PAM: variants seen among roughly 807,000 people sequenced by gnomAD.
The protein encoded by PAM is peptidyl-glycine alpha-amidating monooxygenase.
Under a neutral mutation model 122.1 loss-of-function variants are expected in PAM, and 72 were observed. The observed-to-expected ratio is 0.59, with a 90% CI of 0.49 to 0.72. The LOEUF (loss-of-function observed/expected upper bound fraction) is 0.72, where lower values mean the gene tolerates loss of function less well. Ranked by LOEUF, PAM falls within the 30% of genes least tolerant of loss-of-function variation. PAM has a pLI of 0.00. For missense variants in PAM, 1,106 were observed against 1,183.7 expected (o/e 0.93, Z 0.96); for synonymous variants, 389 against 404.4 (o/e 0.96, Z 0.46).
At chr5:102,894,557 T>A (rs1795658394) in intron 3 of PAM, among the ~76,000 whole-genome samples, 1 of 151,630 alleles carries the variant, frequency 6.6e-6, no homozygotes, top group African/African-American at 2.4e-5. Flanking sequence ...ATTGCCCAAT[T>A]ACTATCCAAT....
chr5:102,796,440 A>G (rs1336966746), intron 1 of PAM, among the ~76,000 whole-genome samples: 3 of 152,160 alleles, frequency 2.0e-5, no homozygotes, highest in Non-Finnish European at 2.9e-5. Flanking sequence ...GTGGAAATTC[A>G]CCTTTTAAAT....
chr5:103,030,900 T>C (rs2151435722), downstream of PAM: 1 of 152,366 alleles, frequency 6.6e-6, no homozygotes, highest in East Asian at 1.9e-4. Context: ...TCTTCGAGAA[T>C]AGCTATTCTA....
chr5:102,841,158 C>G (rs973390215), intron 1 of PAM, among the ~76,000 whole-genome samples: 6 of 152,088 alleles, frequency 3.9e-5, no homozygotes, highest in Admixed American at 3.3e-4. Context: ...TAGTAAGTTT[C>G]ATTAAAATTC....
chr5:102,843,868 A>G (rs959922046), intron 1 of PAM, among the ~76,000 whole-genome samples: 2 of 152,160 alleles, frequency 1.3e-5, no homozygotes, highest in Non-Finnish European at 2.9e-5. Flanking sequence ...AATACTGACA[A>G]AGATACAGAG....
In PAM at chr5:103,019,993, C is replaced by G. The variant is rs1385894505; in HGVS notation, c.2485+150C>G. The G allele has an allele frequency of 4.7e-6, 3 of 638,242 alleles. No homozygotes were observed. In the South Asian group the frequency reaches 5.7e-5, roughly 12 times the overall value. 39.5% of individuals were successfully genotyped at this position (638,242 alleles called of 1,614,324 possible). On this transcript the variant is annotated intron_variant, in intron 23 of 25. Coordinates refer to ENST00000438793, the MANE Select transcript of PAM (RefSeq NM_001177306.2). ...TTCTGCTATGTACTGAGCCTTTAAA[C>G]CTGTATGTTGCCACTTCCCTTTTTT...
chr5:102,910,137 T>C (rs1280370189), intron 4 of PAM, among the ~76,000 whole-genome samples: 1 of 151,786 alleles, frequency 6.6e-6, no homozygotes, highest in Admixed American at 6.6e-5. Context: ...GATATCCACT[T>C]AGAAGGGAAA....
intron 1 of PAM, among the ~76,000 whole-genome samples, chr5:102,794,547 G>C (rs975490782): frequency 7.3e-6 from 1 of 137,450 alleles, no homozygotes; most frequent in African/African-American, 2.7e-5. Flanking sequence ...ACCAAGGAAG[G>C]TTAGGTGAAA....
At chr5:102,910,332 C>T (rs1488958992) in intron 4 of PAM, among the ~76,000 whole-genome samples, 1 of 151,900 alleles carries the variant, frequency 6.6e-6, no homozygotes, top group African/African-American at 2.4e-5. Context: ...GTCATCCACA[C>T]ATATGGTTTC....
intron 1 of PAM, among the ~76,000 whole-genome samples, chr5:102,856,519 A>T (rs1232074764): frequency 2.0e-5 from 3 of 152,204 alleles, no homozygotes; most frequent in African/African-American, 7.2e-5. Context: ...ACAGTAAAAT[A>T]TGCCAGCATT....
chr5:102,974,439 G>T lies in PAM; in HGVS notation c.1483+3G>T. ...CTGGGAACCAGAACACACAGGAGGT[G>T]CGTGTAGGGTTTCTTTTAAGCAGTA... On this transcript the variant is annotated splice_donor_region_variant and intron_variant, in intron 15 of 25. Transcript: ENST00000438793. 6.2e-7 allele frequency: 1 copy of T among 1,600,766 alleles called. No homozygotes were observed. The highest frequency in any genetic ancestry group is 8.5e-7 in the Non-Finnish European group (1 of 1,171,412).
intron 3 of PAM, among the ~76,000 whole-genome samples, chr5:102,881,270 G>C (rs1011505563): frequency 6.6e-6 from 1 of 151,632 alleles, no homozygotes; most frequent in Non-Finnish European, 1.5e-5. Context: ...TTTTGAAGAA[G>C]ACAAGCAGCC....
chr5:102,890,571 A>G (rs756362270), intron 3 of PAM, among the ~76,000 whole-genome samples: 2 of 151,878 alleles, frequency 1.3e-5, no homozygotes, highest in Non-Finnish European at 2.9e-5. Context: ...TTCTTGTAAC[A>G]CCTACTCATG....
At chr5:103,011,369 A>C (rs367770555) in intron 21 of PAM, among the ~76,000 whole-genome samples, 19 of 140,732 alleles carry the variant, frequency 1.4e-4, no homozygotes, top group Admixed American at 8.5e-4. Flanking sequence ...CACACACACA[A>C]ACACACACTC....
chr5:103,016,805 CAA>C (rs1753758903), intron 21 of PAM, among the ~76,000 whole-genome samples: 1 of 152,080 alleles, frequency 6.6e-6, no homozygotes, highest in South Asian at 2.1e-4. Flanking sequence ...GTGTACATTT[CAA>C]AAAATTAAAT....
chr5:102,960,794 A>C (rs1331089906), intron 13 of PAM, among the ~76,000 whole-genome samples: 1 of 151,762 alleles, frequency 6.6e-6, no homozygotes, highest in African/African-American at 2.4e-5. Context: ...AGATTCTACT[A>C]TATTTATAGA....
intron 7 of PAM, among the ~76,000 whole-genome samples, chr5:102,937,811 A>G (rs1032919726): frequency 1.3e-5 from 2 of 152,212 alleles, no homozygotes; most frequent in African/African-American, 2.4e-5. Context: ...TGCTCTAACT[A>G]TGTAAAACAA....
chr5:102,852,863 A>C (rs1218960412), intron 1 of PAM, among the ~76,000 whole-genome samples: 1 of 152,218 alleles, frequency 6.6e-6, no homozygotes, highest in Non-Finnish European at 1.5e-5. Context: ...CTTAGTAGTC[A>C]TACAATACAT....
chr5:102,838,602 G>C (rs1456606074), intron 1 of PAM: 1 of 152,070 alleles, frequency 6.6e-6, no homozygotes, highest in Non-Finnish European at 1.5e-5. Context: ...TAGTATCACT[G>C]TAATTGTACT....
chr5:102,803,135 A>G (rs1765230239), intron 1 of PAM, among the ~76,000 whole-genome samples: 1 of 137,546 alleles, frequency 7.3e-6, no homozygotes, highest in African/African-American at 3.0e-5. Context: ...AAAAAAAAGA[A>G]AGAAAGAAAG....
Sources: allele counts gnomAD v4.1 joint callset (sites outside exome capture counted in the v4.1 genomes callset), GRCh38; gene constraint gnomAD v4.1.1; transcripts MANE v1.5; gene names NCBI Gene and HGNC (gene_info 2026-07-23, HGNC 2026-07-21).